Variants in ARHGEF7 observed in about 807,000 individuals in gnomAD.
The protein encoded by ARHGEF7 is PAK-interacting exchange factor beta.
ARHGEF7 carries 33 observed loss-of-function variants against 109.8 expected under a neutral mutation model. The observed-to-expected ratio is 0.30, with a 90% CI of 0.23 to 0.40. The LOEUF (loss-of-function observed/expected upper bound fraction) is 0.40. Ranked by LOEUF, ARHGEF7 falls within the 10% of genes least tolerant of loss-of-function variation. ARHGEF7 has a pLI of 1.00. For missense variants in ARHGEF7, 938 were observed against 1,098.5 expected (o/e 0.85, Z 2.07); for synonymous variants, 458 against 424.6 (o/e 1.08, Z -0.97).
At chr13:111,280,840 A>G in intron 15 of ARHGEF7, 163 bp downstream of exon 15, 1 of 782,944 alleles carries the variant, frequency 1.3e-6, no homozygotes, top group Non-Finnish European at 1.9e-6. Context: ...CTCTTCGTGC[A>G]GTAGTGAATT....
At chr13:111,149,987 G>A (rs1333608315) in intron 1 of ARHGEF7, among the ~76,000 whole-genome samples, 4 of 152,192 alleles carry the variant, frequency 2.6e-5, no homozygotes, top group Admixed American at 2.0e-4. Context: ...CTTGCCCCAT[G>A]AAAATCAAAA....
chr13:111,206,960 T>TAA (rs35814705), intron 3 of ARHGEF7, among the ~76,000 whole-genome samples: 3,117 of 53,494 alleles, frequency 0.058, 232 homozygotes, highest in African/African-American at 0.2. Context: ...AGACTCCATC[T>TAA]AAAAAAAAAA....
chr13:111,283,273 G>A lies in ARHGEF7; in HGVS notation c.1860G>A (p.Leu620=). Residue 620 remains leucine, a synonymous_variant, in exon 16 of 22, where the codon CTG becomes CTA. Coordinates refer to ENST00000646102, the MANE Select transcript of ARHGEF7 (RefSeq NM_001354046.2). ...ACACCACCATCAACTGGGGACCCCT[G>A]GAGCCTCCGAAAACACCCAAGCCCT... ...TPHTTINWGP[L]EPPKTPKPWS... The A allele has an allele frequency of 1.9e-6, 3 of 1,580,820 alleles. No individual in the cohort carries two copies. Among genetic ancestry groups the A allele is most frequent in the Non-Finnish European group, 2.6e-6 (3 of 1,166,732 alleles).
Position 111,274,774 on chromosome 13 carries a change from C to A in ARHGEF7, c.1256C>A (p.Ala419Asp). 2 of 1,487,160 alleles carry A rather than the reference C, an allele frequency of 1.3e-6. No homozygotes were observed. Among genetic ancestry groups the A allele is most frequent in the Non-Finnish European group, 1.8e-6 (2 of 1,115,670 alleles). The allele number at this position is 1,487,160 out of a possible 1,614,324, so 92.1% of individuals were successfully genotyped here. The change falls in exon 11 of 22, where the codon GCC becomes GAC. Residue 419 changes from alanine to aspartate, a missense_variant. Transcript: ENST00000646102. Reference sequence around the variant, plus strand: ...CAAGATATTCAAAAATCCATGGCTGCCTTCAAAAACCTTTCAGTAAGTGAT... The same window carrying A: ...CAAGATATTCAAAAATCCATGGCTGACTTCAAAAACCTTTCAGTAAGTGAT... The part of the protein sequence containing the change: ...DRQDIQKSMA[A>D]FKNLSAQCQE...
At chr13:111,206,200 G>T (rs868619564) in intron 3 of ARHGEF7, among the ~76,000 whole-genome samples, 6 of 151,592 alleles carry the variant, frequency 4.0e-5, no homozygotes, top group African/African-American at 9.7e-5. Flanking sequence ...TGATTTTGTC[G>T]GGGTCGCTTC....
At chr13:111,206,435 T>TGGCCCCCATCCCTGGGAGCAGGGGC (rs2081870802) in intron 3 of ARHGEF7, among the ~76,000 whole-genome samples, 1 of 152,164 alleles carries the variant, frequency 6.6e-6, no homozygotes, top group Non-Finnish European at 1.5e-5. Flanking sequence ...CGAGAGGCAC[T>TGGCCCCCATCCCTGGGAGCAGGGGC]GGCCCCCATC....
At chr13:111,120,486 G>C (rs77963559) in intron 1 of ARHGEF7, among the ~76,000 whole-genome samples, 4 of 137,486 alleles carry the variant, frequency 2.9e-5, no homozygotes, top group Admixed American at 7.1e-5. Flanking sequence ...CACACACACA[G>C]ACACATGCGT....
chr13:111,252,070 G>T (rs955352441), intron 8 of ARHGEF7, among the ~76,000 whole-genome samples: 2 of 152,218 alleles, frequency 1.3e-5, no homozygotes, highest in Non-Finnish European at 2.9e-5. Context: ...GGTCCTGGAA[G>T]GTGCAGCGGG....
rs2092291063 is a variant in ARHGEF7 at position 111,273,298 on chromosome 13, T to C, written c.1074-516T>C. Among the ~76,000 whole-genome samples, 1 of 152,226 alleles carries C rather than the reference T, an allele frequency of 6.6e-6. No individual in the cohort carries two copies. Among genetic ancestry groups the C allele is most frequent in the Non-Finnish European group, 1.5e-5 (1 of 68,038 alleles). On this transcript the variant is annotated intron_variant, in intron 9 of 21. Transcript: ENST00000646102. This position sits in a 1 kb window ranked among gnomAD's most constrained non-coding sequence, Gnocchi z 4.5. ...CTTCTCTTGCTGCTTCTCGTGCTCC[T>C]CACCCCAAGAGCCATTGCCTACTCC...
At chr13:111,279,206 T>A (rs1346226256) in intron 13 of ARHGEF7, among the ~76,000 whole-genome samples, 3 of 152,216 alleles carry the variant, frequency 2.0e-5, no homozygotes, top group Non-Finnish European at 2.9e-5. Flanking sequence ...TAGCATTTTT[T>A]AAATACGCTT....
At chr13:111,139,595 TGTGGAGCACTGGCGGGTGCCTGC>T (rs1376744214) in intron 1 of ARHGEF7, among the ~76,000 whole-genome samples, 28 of 123,236 alleles carry the variant, frequency 2.3e-4, no homozygotes, top group African/African-American at 6.7e-4. Flanking sequence ...CGGGTGCCTG[TGTGGAGCACTGGCGGGTGCCTGC>T]GTGGAGCACT....
At chr13:111,236,765 G>C (rs1276984611) in intron 6 of ARHGEF7, among the ~76,000 whole-genome samples, 3 of 152,136 alleles carry the variant, frequency 2.0e-5, no homozygotes, top group Admixed American at 1.3e-4. Context: ...CTAGGAGTTT[G>C]ACACCAGCCT....
chr13:111,274,924 T>C (rs574184282), intron 11 of ARHGEF7, 134 bp downstream of exon 11: 2 of 525,484 alleles, frequency 3.8e-6, no homozygotes, highest in East Asian at 6.8e-5. Context: ...GAGTCGGCAT[T>C]CTGTGGCTGG....
At chr13:111,149,065 T>C (rs1034163591) in intron 1 of ARHGEF7, among the ~76,000 whole-genome samples, 2 of 152,064 alleles carry the variant, frequency 1.3e-5, no homozygotes, top group African/African-American at 4.8e-5. Context: ...GTGATAGTCA[T>C]TCAGGGGTAA....
chr13:111,257,093 G>C (rs1264452034), intron 8 of ARHGEF7, among the ~76,000 whole-genome samples: 1 of 152,172 alleles, frequency 6.6e-6, no homozygotes, highest in Non-Finnish European at 1.5e-5. Flanking sequence ...CTCAGGCCTT[G>C]GCTTATGAGC....
intron 1 of ARHGEF7, among the ~76,000 whole-genome samples, chr13:111,135,917 A>G (rs1189611923): frequency 6.6e-6 from 1 of 152,136 alleles, no homozygotes; most frequent in Non-Finnish European, 1.5e-5. Flanking sequence ...ATTCAGTATG[A>G]TATTGGCTGT....
chr13:111,305,175 G>A lies in ARHGEF7; in HGVS notation c.*2062G>A, dbSNP rs1423083601. 1 of 152,220 alleles carries A rather than the reference G, an allele frequency of 6.6e-6. No homozygotes were observed. Among genetic ancestry groups the A allele is most frequent in the East Asian group, 1.9e-4 (1 of 5,188 alleles). 9.4% of individuals were successfully genotyped at this position (152,220 alleles called of 1,614,324 possible). A position where few individuals can be genotyped will look rare whatever the true frequency, so the allele number is the denominator to read the frequency against. On this transcript the variant is annotated 3_prime_UTR_variant, in exon 22 of 22. Transcript: ENST00000646102. The stretch of plus-strand genomic sequence containing the variant: ...GACGGTGCGGCCATGAGGGCCTCAT[G>A]TTACGGCATTGCCTTTTCTTTCTGT...
chr13:111,302,285 A>G (rs2093586832), intron 21 of ARHGEF7, among the ~76,000 whole-genome samples: 1 of 152,014 alleles, frequency 6.6e-6, no homozygotes, highest in African/African-American at 2.4e-5. Flanking sequence ...TGTTCATTGC[A>G]CGGAATGTGA....
chr13:111,288,470 G>C, intron 18 of ARHGEF7, 27 bp downstream of exon 18: 1 of 1,565,838 alleles, frequency 6.4e-7, no homozygotes, highest in South Asian at 1.1e-5. Flanking sequence ...GGCCTGGGAA[G>C]TGTGGTGGTT....
Sources: gnomAD v4.1 joint callset for allele counts (sites outside exome capture counted in the v4.1 genomes callset) on GRCh38, gnomAD v4.1.1 for gene constraint, Gnocchi (gnomAD v3.1) non-coding constraint, MANE v1.5 for transcripts, NCBI Gene and HGNC (gene_info 2026-07-23, HGNC 2026-07-21) for gene names.